Variants in PFDN1 observed in about 807,000 individuals in gnomAD.
PFDN1 encodes prefoldin 1.
PFDN1 carries 6 observed loss-of-function variants against 17.3 expected under a neutral mutation model. The observed-to-expected ratio is 0.35, with a 90% CI of 0.19 to 0.69. The LOEUF (loss-of-function observed/expected upper bound fraction) is 0.69, where lower values mean the gene tolerates loss of function less well. Among genes scored for constraint, PFDN1 ranks in the 30% least tolerant of loss-of-function variants. The pLI, the probability that PFDN1 is intolerant of heterozygous loss-of-function variation, is 0.65. For missense variants in PFDN1, 113 were observed against 146.2 expected, an observed-to-expected ratio of 0.77 and a Z score of 1.17; for synonymous variants, 58 against 50.1, an observed-to-expected ratio of 1.16 and a Z score of -0.67.
chr5:140,303,029 A>C lies in PFDN1; in HGVS notation c.33+12T>G. On this transcript the variant is annotated intron_variant, in intron 1 of 3. Transcript: ENST00000261813. ...AAAAGAAGACCTCCGCCTGCCAAAG[A>C]CCCTCTTTTACCTTCTTCAGCTCTA... The C allele has an allele frequency of 6.2e-7, 1 of 1,600,532 alleles. No individual in the cohort carries two copies. The highest frequency in any genetic ancestry group is 1.1e-5 in the South Asian group (1 of 90,798).
chr5:140,268,166 A>G (rs1207181127), intron 3 of PFDN1, among the ~76,000 whole-genome samples: 5 of 152,264 alleles, frequency 3.3e-5, no homozygotes, highest in African/African-American at 1.2e-4. Context: ...AGACATAATT[A>G]GCAAAACAGC....
At chr5:140,264,926 A>T (rs1486929252) in intron 3 of PFDN1, among the ~76,000 whole-genome samples, 2 of 152,206 alleles carry the variant, frequency 1.3e-5, no homozygotes, top group African/African-American at 4.8e-5. Flanking sequence ...TATATAGGGA[A>T]CAGTAAAGGT....
rs151149426 is a variant in PFDN1 at position 140,249,565 on chromosome 5, G to A, written c.286-3508C>T. On this transcript the variant is annotated intron_variant, in intron 3 of 3. Transcript: ENST00000261813. ...TCTCCACGGGTGTCTTAGTCTGTTT[G>A]TGTTGCTCTAAAGGAATACCTGAGG... 3.9e-5 allele frequency among the ~76,000 whole-genome samples: 6 copies of A among 152,306 alleles called. No homozygotes were observed. In the East Asian group the frequency reaches 1.2e-3, roughly 29 times the overall value.
intron 3 of PFDN1, among the ~76,000 whole-genome samples, chr5:140,258,742 C>T (rs1765022929): frequency 6.6e-6 from 1 of 152,106 alleles, no homozygotes; most frequent in Admixed American, 6.6e-5. Flanking sequence ...GAGGGTGCTG[C>T]CTTTCACTGA....
rs995227929 is a variant in PFDN1, at chr5:140,287,151, A to G, written c.201-5618T>C. Among the ~76,000 whole-genome samples the G allele has an allele frequency of 2.0e-4, 31 of 152,256 alleles. 1 individual carries two copies. Among genetic ancestry groups the G allele is most frequent in the Admixed American group, 2.0e-3 (30 of 15,284 alleles). ...TTTCTCACAGGAGATACAGGCAAAC[A>G]ATTCTGAAATTGCTTTATATGTGTA... On this transcript the variant is annotated intron_variant, in intron 2 of 3. Transcript: ENST00000261813.
chr5:140,250,979 A>G (rs1429838830), intron 3 of PFDN1, among the ~76,000 whole-genome samples: 1 of 152,050 alleles, frequency 6.6e-6, no homozygotes, highest in Non-Finnish European at 1.5e-5. Context: ...CTGTTGCCTA[A>G]GGTAGAGTGC....
intron 2 of PFDN1, among the ~76,000 whole-genome samples, chr5:140,299,132 G>T (rs1349647443): frequency 1.3e-5 from 2 of 152,142 alleles, no homozygotes; most frequent in Non-Finnish European, 2.9e-5. Flanking sequence ...TTTATGATTT[G>T]TATCACTCCT....
chr5:140,246,392 T>C (rs770383969), intron 3 of PFDN1, among the ~76,000 whole-genome samples: 2 of 152,198 alleles, frequency 1.3e-5, no homozygotes, highest in Non-Finnish European at 2.9e-5. Context: ...GGCCAGGAAA[T>C]TCCAGGACAA....
chr5:140,301,723 C>G (rs752495029), intron 1 of PFDN1, among the ~76,000 whole-genome samples: 1 of 152,156 alleles, frequency 6.6e-6, no homozygotes, highest in Non-Finnish European at 1.5e-5. Flanking sequence ...CCGCAAGTTT[C>G]AAATGTAGCA....
intron 2 of PFDN1, among the ~76,000 whole-genome samples, chr5:140,287,822 A>T (rs1223852353): frequency 6.6e-6 from 1 of 152,256 alleles, no homozygotes; most frequent in Non-Finnish European, 1.5e-5. Flanking sequence ...ATGGCAAATA[A>T]GCAAGTGAAA....
chr5:140,266,874 A>G (rs1312436455), intron 3 of PFDN1, among the ~76,000 whole-genome samples: 1 of 152,288 alleles, frequency 6.6e-6, no homozygotes, highest in East Asian at 1.9e-4. Flanking sequence ...TGAAGAAGTT[A>G]AGGCACAGAG....
chr5:140,285,310 T>C (rs1156281816), intron 2 of PFDN1, among the ~76,000 whole-genome samples: 2 of 148,858 alleles, frequency 1.3e-5, no homozygotes, highest in Non-Finnish European at 3.0e-5. Context: ...ATCGCGCCAC[T>C]GCACTCCAGC....
At position 140,265,459 on chromosome 5, in the gene PFDN1, T is replaced by C. The variant is rs939271063; in HGVS notation, c.285+15990A>G. On this transcript the variant is annotated intron_variant, in intron 3 of 3. Transcript: ENST00000261813. ...TGAAACGCCATCTATAAACTGGCAATTTGTAGACAATTCTCCATTTTATTT... is the reference window on the plus strand; with the variant it reads ...TGAAACGCCATCTATAAACTGGCAACTTGTAGACAATTCTCCATTTTATTT... Among the ~76,000 whole-genome samples, 11 of 152,318 alleles carry C rather than the reference T, an allele frequency of 7.2e-5. No homozygotes were observed. In the East Asian group the frequency reaches 2.1e-3, roughly 29 times the overall value.
At position 140,268,091 on chromosome 5, in the gene PFDN1, G is replaced by A. The variant is rs144350816; in HGVS notation, c.285+13358C>T. On this transcript the variant is annotated intron_variant, in intron 3 of 3. Transcript: ENST00000261813. ...AATAGTGATGGAATTCAAATATTTC[G>A]ATTATGCTGGCAGCAGGTAAGAGAC... 1.5e-3 allele frequency among the ~76,000 whole-genome samples: 234 copies of A among 152,284 alleles called. 1 individual carries two copies. Among genetic ancestry groups the A allele is most frequent in the African/African-American group, 5.1e-3 (212 of 41,558 alleles).
chr5:140,277,865 T>G (rs1765320713), intron 3 of PFDN1, among the ~76,000 whole-genome samples: 1 of 152,118 alleles, frequency 6.6e-6, no homozygotes, highest in African/African-American at 2.4e-5. Flanking sequence ...AACAGATGAC[T>G]TCTTAACAGC....
rs561980686 is a variant in PFDN1 at position 140,248,226 on chromosome 5, G to A, written c.286-2169C>T. On this transcript the variant is annotated intron_variant, in intron 3 of 3. Coordinates refer to ENST00000261813, the MANE Select transcript of PFDN1 (RefSeq NM_002622.5). The stretch of plus-strand genomic sequence containing the variant: ...TGGGATTACAGGCACACACCACCAC[G>A]CTGGCTAATTTTTTCTATTTTTAGT... Among the ~76,000 whole-genome samples, 54 of 151,872 alleles carry A rather than the reference G, an allele frequency of 3.6e-4. No individual in the cohort carries two copies. The East Asian group carries it at 9.5e-3, about 27-fold the overall frequency.
intron 2 of PFDN1, among the ~76,000 whole-genome samples, chr5:140,289,327 T>C (rs1301127489): frequency 1.3e-5 from 2 of 151,828 alleles, no homozygotes; most frequent in African/African-American, 4.8e-5. Context: ...GCAGAATTAT[T>C]TGAGCAACAA....
chr5:140,245,688 G>C lies in PFDN1; in HGVS notation c.*286C>G. The C allele has an allele frequency of 4.8e-6, 3 of 630,756 alleles. No homozygotes were observed. The highest frequency in any genetic ancestry group is 5.6e-6 in the Non-Finnish European group (2 of 354,148). 39.1% of individuals were successfully genotyped at this position (630,756 alleles called of 1,614,324 possible). On this transcript the variant is annotated 3_prime_UTR_variant, in exon 4 of 4. Coordinates refer to ENST00000261813, the MANE Select transcript of PFDN1 (RefSeq NM_002622.5). The stretch of plus-strand genomic sequence containing the variant: ...GCTGGCGTGCCTAGTGGAAAGCTCA[G>C]GCAGAGCTTCCTATCTTGCCCTGGC...
chr5:140,302,889 A>C, intron 1 of PFDN1, 152 bp downstream of exon 1: 14 of 704,840 alleles, frequency 2.0e-5, no homozygotes, highest in Non-Finnish European at 3.1e-5. Context: ...GTTTATGGAG[A>C]CCCAGTGAGG....
Sources: gnomAD v4.1 joint callset for allele counts (sites outside exome capture counted in the v4.1 genomes callset) on GRCh38, gnomAD v4.1.1 for gene constraint, MANE v1.5 for transcripts, NCBI Gene and HGNC (gene_info 2026-07-23, HGNC 2026-07-21) for gene names.